ZNF141: variants seen among roughly 807,000 people sequenced by gnomAD.
The protein encoded by ZNF141 is zinc finger protein 141 (clone pHZ-44).
A neutral mutation model predicts 11.3 loss-of-function variants in ZNF141; 7 were observed. The observed-to-expected ratio is 0.62, with a 90% confidence interval of 0.35 to 1.16. ZNF141 has a LOEUF of 1.16. Ranked by LOEUF, ZNF141 falls within the 50% of genes most tolerant of loss-of-function variation. The pLI is 0.02. For missense variants in ZNF141, 535 were observed against 554.0 expected (o/e 0.97, Z 0.34); for synonymous variants, 183 against 190.7 (o/e 0.96, Z 0.33).
Position 346,948 on chromosome 4 carries a change from G to A in ZNF141, c.226+2518G>A, listed in dbSNP as rs200137755. ...ACGGTACTACAATAAACATGGAGGG[G>A]AAGATAGTTCTTTGAGGTACTAATT... On this transcript the variant is annotated intron_variant, in intron 3 of 3. Transcript: ENST00000240499. 2.0e-5 allele frequency among the ~76,000 whole-genome samples: 3 copies of A among 150,104 alleles called. No homozygotes were observed. In the East Asian group the frequency reaches 5.8e-4, roughly 29 times the overall value.
In ZNF141 at chr4:373,034, C is replaced by T. The variant is rs1712154540; in HGVS notation, c.597C>T (p.Tyr199=). Residue 199 remains tyrosine (Y), a synonymous_variant, in exon 4 of 4, where the codon TAC becomes TAT. Coordinates refer to ENST00000240499, the MANE Select transcript of ZNF141 (RefSeq NM_003441.4). ...HKVIHAGEKP[Y]TCEECGKAFK... is the part of the protein sequence containing the mutation. ...TAATTCATGCTGGAGAGAAACCCTA[C>T]ACTTGTGAAGAATGTGGCAAAGCCT... is the stretch of plus-strand genomic sequence containing the variant. 1.2e-6 allele frequency: 2 copies of T among 1,613,974 alleles called. No individual in the cohort carries two copies. Among genetic ancestry groups the T allele is most frequent in the Non-Finnish European group, 1.7e-6 (2 of 1,179,948 alleles).
intron 3 of ZNF141, among the ~76,000 whole-genome samples, chr4:346,241 A>C (rs1311234165): frequency 6.6e-6 from 1 of 152,234 alleles, no homozygotes; most frequent in Non-Finnish European, 1.5e-5. Flanking sequence ...ACATTATTTC[A>C]TTTAACAATG....
In ZNF141 at chr4:382,306, TG is replaced by T. The variant is rs1712661779; in HGVS notation, c.*8448del. 6.6e-6 allele frequency among the ~76,000 whole-genome samples: 1 copy of T among 152,098 alleles called. No homozygotes were observed. The highest frequency in any genetic ancestry group is 6.6e-5 in the Admixed American group (1 of 15,260). ...CTTGCCCTATAGCTGCTCCTAAATG[TG>T]GGGTCTTAGAAAACATCTTGTCCCT... On this transcript the variant is annotated 3_prime_UTR_variant, in exon 4 of 4. Transcript: ENST00000240499.
chr4:346,893 A>ACACACACCCC (rs373224939), intron 3 of ZNF141, among the ~76,000 whole-genome samples: 2 of 135,480 alleles, frequency 1.5e-5, no homozygotes, highest in African/African-American at 3.2e-5. Flanking sequence ...ACACACACAC[A>ACACACACCCC]CCGCCCCCCC....
At chr4:369,969 G>C (rs1341604955) in intron 3 of ZNF141, among the ~76,000 whole-genome samples, 1 of 151,192 alleles carries the variant, frequency 6.6e-6, no homozygotes, top group Non-Finnish European at 1.5e-5. Flanking sequence ...GTTTCACCAT[G>C]TTGGCCAGGA....
At position 369,764 on chromosome 4, in the gene ZNF141, A is replaced by ATATT; in HGVS notation, c.227-2899_227-2898insATTT. Among the ~76,000 whole-genome samples the ATATT allele has an allele frequency of 2.1e-4, 10 of 48,722 alleles. 1 individual carries two copies. Among genetic ancestry groups the ATATT allele is most frequent in the African/African-American group, 8.5e-4 (5 of 5,882 alleles). 32.0% of individuals were successfully genotyped at this position (48,722 alleles called of 152,430 possible). The stretch of plus-strand genomic sequence containing the variant: ...TATATATATATATATATATATATAT[A>ATATT]TTTTTTTTTTTTTTTTTTTTGAGAG... On this transcript the variant is annotated intron_variant, in intron 3 of 3. Transcript: ENST00000240499.
chr4:347,167 A>G (rs1721370318), intron 3 of ZNF141, among the ~76,000 whole-genome samples: 2 of 149,984 alleles, frequency 1.3e-5, no homozygotes, highest in Middle Eastern at 3.2e-3. Flanking sequence ...CCTCCGAAGT[A>G]GCTGGAATTA....
At chr4:347,977 T>C (rs1278015575) in intron 3 of ZNF141, among the ~76,000 whole-genome samples, 1 of 151,944 alleles carries the variant, frequency 6.6e-6, no homozygotes, top group Non-Finnish European at 1.5e-5. Flanking sequence ...CCCGAGTAGC[T>C]GGGATTACAG....
chr4:340,388 T>G (rs1720989254), intron 1 of ZNF141, among the ~76,000 whole-genome samples: 1 of 152,244 alleles, frequency 6.6e-6, no homozygotes, highest in African/African-American at 2.4e-5. Flanking sequence ...CTTTTTAGGA[T>G]AGCGATCAGT....
chr4:345,505 G>GATC (rs781997767), intron 3 of ZNF141, among the ~76,000 whole-genome samples: 4 of 151,958 alleles, frequency 2.6e-5, no homozygotes, highest in Non-Finnish European at 5.9e-5. Context: ...GATGAGCTCG[G>GATC]ATCATCTGAG....
At chr4:341,633 T>A (rs1037831963) in intron 1 of ZNF141, among the ~76,000 whole-genome samples, 17 of 152,078 alleles carry the variant, frequency 1.1e-4, no homozygotes, top group Admixed American at 6.5e-5. Flanking sequence ...AAGTACTTAG[T>A]GACATAGAGA....
Position 379,721 on chromosome 4 carries a change from AT to A in ZNF141, c.*5860del, listed in dbSNP as rs1712531049. Among the ~76,000 whole-genome samples the A allele has an allele frequency of 6.6e-6, 1 of 152,252 alleles. No homozygotes were observed. ...ACAGCACAAAAACTATATATTTTTT[AT>A]AATACTCAAGTTGTTTGACAAAGAT... On this transcript the variant is annotated 3_prime_UTR_variant, in exon 4 of 4. Transcript: ENST00000240499.
chr4:341,494 A>T lies in ZNF141; in HGVS notation c.4-2288A>T, dbSNP rs115605875. Reference sequence around the variant, plus strand: ...AATATAATTGTTCTAGAGAAACATAAGGGTTTTGGTTAAATTCCTTGTTAC... The same window carrying T: ...AATATAATTGTTCTAGAGAAACATATGGGTTTTGGTTAAATTCCTTGTTAC... On this transcript the variant is annotated intron_variant, in intron 1 of 3. Coordinates refer to ENST00000240499, the MANE Select transcript of ZNF141 (RefSeq NM_003441.4). Among the ~76,000 whole-genome samples, 651 of 152,356 alleles carry T rather than the reference A, an allele frequency of 4.3e-3. 7 individuals are homozygous for T. Among genetic ancestry groups the T allele is most frequent in the African/African-American group, 0.015 (618 of 41,584 alleles).
At chr4:369,276 A>C (rs1723294971) in intron 3 of ZNF141, among the ~76,000 whole-genome samples, 1 of 152,078 alleles carries the variant, frequency 6.6e-6, no homozygotes, top group Non-Finnish European at 1.5e-5. Context: ...GCCCCTTATG[A>C]GCTTTTAGTT....
At chr4:355,354 C>T (rs540876710) in intron 3 of ZNF141, among the ~76,000 whole-genome samples, 17 of 151,962 alleles carry the variant, frequency 1.1e-4, no homozygotes, top group African/African-American at 3.6e-4. Flanking sequence ...TACAGGTGCC[C>T]ACCATCACGT....
chr4:345,208 G>GT (rs1721264299), intron 3 of ZNF141, among the ~76,000 whole-genome samples: 1 of 152,048 alleles, frequency 6.6e-6, no homozygotes, highest in African/African-American at 2.4e-5. Context: ...TCTACTTAGT[G>GT]TTTTTTAATC....
At chr4:346,477 G>C (rs1015545554) in intron 3 of ZNF141, among the ~76,000 whole-genome samples, 1 of 152,076 alleles carries the variant, frequency 6.6e-6, no homozygotes, top group Non-Finnish European at 1.5e-5. Flanking sequence ...GAACACTTAA[G>C]GCCTACTGTT....
At chr4:366,391 C>G (rs782181630) in intron 3 of ZNF141, among the ~76,000 whole-genome samples, 1 of 152,230 alleles carries the variant, frequency 6.6e-6, no homozygotes, top group African/African-American at 2.4e-5. Context: ...GCACCACAAC[C>G]TCTGCCTCCT....
chr4:347,494 C>T (rs984302533), intron 3 of ZNF141, among the ~76,000 whole-genome samples: 8 of 151,974 alleles, frequency 5.3e-5, no homozygotes, highest in African/African-American at 7.2e-5. Context: ...CGCCTTCCAC[C>T]ACACCCAGCT....
Sources: allele counts gnomAD v4.1 joint callset (sites outside exome capture counted in the v4.1 genomes callset), GRCh38; gene constraint gnomAD v4.1.1; transcripts MANE v1.5; gene names NCBI Gene and HGNC (gene_info 2026-07-23, HGNC 2026-07-21).